Variants in VNN2 observed in about 807,000 individuals in gnomAD.
VNN2 encodes vanin 2, also known as pantetheine hydrolase VNN2.
Under a neutral mutation model 43.0 loss-of-function variants are expected in VNN2, and 43 were observed. That is an observed-to-expected ratio of 1.00 (90% CI 0.78 to 1.29). The LOEUF (loss-of-function observed/expected upper bound fraction) is 1.29. Among genes scored for constraint, VNN2 ranks in the 50% most tolerant of loss-of-function variants. VNN2 has a pLI of 0.00. For missense variants in VNN2, 652 were observed against 619.7 expected (o/e 1.05, Z -0.55); for synonymous variants, 230 against 224.3 (o/e 1.03, Z -0.23).
intron 2 of VNN2, 91 bp downstream of exon 2, chr6:132,757,325 T>C (rs1423582869): frequency 2.1e-6 from 3 of 1,458,156 alleles, no homozygotes; most frequent in Non-Finnish European, 2.8e-6. Context: ...ATACCACATA[T>C]ATGGTAATTC....
intron 6 of VNN2, among the ~76,000 whole-genome samples, chr6:132,746,034 C>T (rs577593331): frequency 6.6e-6 from 1 of 152,322 alleles, no homozygotes; most frequent in Non-Finnish European, 1.5e-5. Flanking sequence ...AGTGTCTTCA[C>T]ATGCATTATC....
intron 1 of VNN2, 32 bp downstream of exon 1, chr6:132,757,639 G>T (rs750967261): frequency 1.2e-6 from 2 of 1,610,922 alleles, no homozygotes. Context: ...TGCCCCTCGT[G>T]TACATTATGA....
chr6:132,756,431 C>T (rs1780482479), intron 2 of VNN2, among the ~76,000 whole-genome samples: 1 of 152,144 alleles, frequency 6.6e-6, no homozygotes, highest in Admixed American at 6.5e-5. Context: ...AAGATCAGTC[C>T]CTCTTGCTGT....
At chr6:132,752,394 A>T in intron 4 of VNN2, 67 bp downstream of exon 4, 2 of 1,511,486 alleles carry the variant, frequency 1.3e-6, no homozygotes, top group Non-Finnish European at 1.8e-6. Flanking sequence ...AATACAAGTC[A>T]TAACTGAGGC....
At chr6:132,750,455 C>T (rs1779986432) in intron 5 of VNN2, among the ~76,000 whole-genome samples, 1 of 129,960 alleles carries the variant, frequency 7.7e-6, no homozygotes, top group Admixed American at 8.7e-5. Context: ...GCCTGGCCAA[C>T]ATGGTGAAAC....
In VNN2 at chr6:132,753,528, G is replaced by A. The variant is rs764169871; in HGVS notation, c.538-779C>T. ...ACCATAGAAATGTATTTAATTTCCC[G>A]ATTCCTTCTAGGTAAACTAAAAAAA... On this transcript the variant is annotated intron_variant, in intron 3 of 6. Transcript: ENST00000326499. The A allele has an allele frequency of 1.2e-4, 53 of 447,922 alleles. 1 individual carries two copies. The highest frequency in any genetic ancestry group is 7.7e-4 in the South Asian group (49 of 63,450). 27.7% of individuals were successfully genotyped at this position (447,922 alleles called of 1,614,324 possible). A position where few individuals can be genotyped will look rare whatever the true frequency, so the allele number is the denominator to read the frequency against.
At chr6:132,759,719 C>T (rs764888023), upstream of VNN2, among the ~76,000 whole-genome samples, 6 of 152,096 alleles carry the variant, frequency 3.9e-5, no homozygotes, top group Non-Finnish European at 8.8e-5. Context: ...AAGATCTGCT[C>T]ATATTTTCTG....
chr6:132,746,145 A>G (rs930844346), intron 6 of VNN2, among the ~76,000 whole-genome samples: 2 of 152,248 alleles, frequency 1.3e-5, no homozygotes, highest in Non-Finnish European at 2.9e-5. Flanking sequence ...CTAGTTAGTT[A>G]CAGAGAACAG....
rs755488281 is a variant in VNN2, at chr6:132,744,440, G to C, written c.1423C>G (p.Leu475Val). ...CACCTCCCAAAGAGTGACACTGTTA[G>C]TATAGGCCCAGATGATCCATTCTTG... ...VNKNGSSGPI[L>V]TVSLFGRWYT... Residue 475 changes from leucine (L) to valine (V), a missense_variant, in exon 7 of 7, where the codon CTA becomes GTA. By Grantham distance (32) the Leu-to-Val change is conservative (BLOSUM62 1). Transcript: ENST00000326499. 1 of 1,611,446 alleles carries C rather than the reference G, an allele frequency of 6.2e-7. No individual in the cohort carries two copies. Among genetic ancestry groups the C allele is most frequent in the South Asian group, 1.1e-5 (1 of 90,494 alleles).
At chr6:132,761,656 T>C (rs1395290472), upstream of VNN2, among the ~76,000 whole-genome samples, 1 of 152,264 alleles carries the variant, frequency 6.6e-6, no homozygotes, top group African/African-American at 2.4e-5. Context: ...TGAGACTCTG[T>C]CTCAAAAATA....
intron 6 of VNN2, among the ~76,000 whole-genome samples, chr6:132,748,975 T>C (rs1779888649): frequency 6.6e-6 from 1 of 152,206 alleles, no homozygotes; most frequent in African/African-American, 2.4e-5. Context: ...TTGTCTTCAC[T>C]AGTGACAAAA....
At chr6:132,745,302 G>T (rs139710890) in intron 6 of VNN2, among the ~76,000 whole-genome samples, 1 of 152,164 alleles carries the variant, frequency 6.6e-6, no homozygotes, top group Non-Finnish European at 1.5e-5. Context: ...TGCAACCTCC[G>T]CCTGCTGGGT....
chr6:132,748,814 C>T lies in VNN2; in HGVS notation c.1371+881G>A, dbSNP rs372528052. On this transcript the variant is annotated intron_variant, in intron 6 of 6. Coordinates refer to ENST00000326499, the MANE Select transcript of VNN2 (RefSeq NM_004665.6). ...GTGCAGTGGCACATGCCTTTAAATC[C>T]TAGCTACTCAGGAGGCTGAGGCAGG... is the stretch of plus-strand genomic sequence containing the variant. Among the ~76,000 whole-genome samples, 21 of 152,296 alleles carry T rather than the reference C, an allele frequency of 1.4e-4. No individual in the cohort carries two copies. In the East Asian group the frequency reaches 4.1e-3, roughly 29 times the overall value.
chr6:132,759,949 G>A (rs1386416133), upstream of VNN2, among the ~76,000 whole-genome samples: 1 of 152,148 alleles, frequency 6.6e-6, no homozygotes, highest in African/African-American at 2.4e-5. Context: ...GTATATAATA[G>A]ATTATGAGTG....
intron 1 of VNN2, 40 bp downstream of exon 1, chr6:132,757,631 C>T (rs1023420148): frequency 2.5e-6 from 4 of 1,608,564 alleles, no homozygotes; most frequent in South Asian, 1.1e-5. Flanking sequence ...AGCTCCCATG[C>T]CCCTCGTGTA....
At chr6:132,761,458 G>A (rs1400912401), upstream of VNN2, among the ~76,000 whole-genome samples, 3 of 151,606 alleles carry the variant, frequency 2.0e-5, no homozygotes, top group East Asian at 3.9e-4. Context: ...TCAGGAGTTC[G>A]AGCCCAGCCT....
upstream of VNN2, among the ~76,000 whole-genome samples, chr6:132,759,541 C>T (rs1394198225): frequency 6.6e-6 from 1 of 151,248 alleles, no homozygotes; most frequent in Admixed American, 6.6e-5. Flanking sequence ...AGGCCCAATC[C>T]TGCCAAATAA....
At chr6:132,753,723 A>G in intron 3 of VNN2, 1 of 213,162 alleles carries the variant, frequency 4.7e-6, no homozygotes, top group Non-Finnish European at 9.8e-6. Flanking sequence ...AGGCCAAGGC[A>G]GGCAGATAAC....
chr6:132,746,635 C>T (rs1364958982), intron 6 of VNN2, among the ~76,000 whole-genome samples: 1 of 152,058 alleles, frequency 6.6e-6, no homozygotes, highest in Non-Finnish European at 1.5e-5. Flanking sequence ...CACATTGCCT[C>T]AGGCTTCTGT....
Sources: allele counts gnomAD v4.1 joint callset (sites outside exome capture counted in the v4.1 genomes callset), GRCh38; gene constraint gnomAD v4.1.1; transcripts MANE v1.5; gene names NCBI Gene and HGNC (gene_info 2026-07-23, HGNC 2026-07-21).